MTUS2: variants seen among roughly 807,000 people sequenced by gnomAD.
MTUS2 encodes the protein microtubule associated scaffold protein 2, also known as microtubule-associated tumor suppressor candidate 2.
In MTUS2, 40 loss-of-function variants were observed where a neutral mutation model predicts 114.1. The observed-to-expected ratio is 0.35, with a 90% CI of 0.27 to 0.46. MTUS2 has a LOEUF of 0.46. MTUS2 is among the 20% of genes least tolerant of loss of function. The pLI, the probability that MTUS2 is intolerant of heterozygous loss-of-function variation, is 1.00. For missense variants in MTUS2, 1,679 were observed against 1,705.4 expected (o/e 0.98, Z 0.27); for synonymous variants, 688 against 672.0 (o/e 1.02, Z -0.37).
chr13:29,295,298 A>G (rs1004731883), intron 6 of MTUS2, among the ~76,000 whole-genome samples: 1 of 152,176 alleles, frequency 6.6e-6, no homozygotes, highest in Non-Finnish European at 1.5e-5. Context: ...TCTTCTAGCT[A>G]TTTGAGAATA....
intron 2 of MTUS2, among the ~76,000 whole-genome samples, chr13:28,948,524 G>A (rs1265367770): frequency 2.6e-5 from 4 of 152,118 alleles, no homozygotes; most frequent in Non-Finnish European, 5.9e-5. Context: ...AGTTCTGTGC[G>A]TGAGGTTCCT....
intron 2 of MTUS2, among the ~76,000 whole-genome samples, chr13:28,870,148 A>G (rs1877535874): frequency 6.6e-6 from 1 of 152,180 alleles, no homozygotes; most frequent in African/African-American, 2.4e-5. Flanking sequence ...CCTCCTAGGT[A>G]TTTGAAACTA....
At chr13:29,206,495 A>G (rs890595924) in intron 5 of MTUS2, among the ~76,000 whole-genome samples, 8 of 152,158 alleles carry the variant, frequency 5.3e-5, no homozygotes, top group African/African-American at 1.9e-4. Flanking sequence ...GCCAATGTCT[A>G]GAAGGGTTTT....
At chr13:29,118,397 C>A (rs1382893525) in intron 5 of MTUS2, among the ~76,000 whole-genome samples, 1 of 152,128 alleles carries the variant, frequency 6.6e-6, no homozygotes, top group Non-Finnish European at 1.5e-5. Context: ...TCCCGTGATG[C>A]ACAGCAGGGT....
intron 10 of MTUS2, among the ~76,000 whole-genome samples, chr13:29,483,139 C>G (rs758907543): frequency 6.6e-6 from 1 of 152,224 alleles, no homozygotes; most frequent in African/African-American, 2.4e-5. Flanking sequence ...CCACAGATAA[C>G]GACATCTCTG....
intron 2 of MTUS2, among the ~76,000 whole-genome samples, chr13:28,982,795 A>G (rs1033531148): frequency 2.0e-5 from 3 of 152,224 alleles, no homozygotes; most frequent in Non-Finnish European, 4.4e-5. Flanking sequence ...GACAAATACT[A>G]TGTGATTCCA....
At chr13:29,336,017 G>A (rs370719853) in intron 7 of MTUS2, among the ~76,000 whole-genome samples, 7 of 152,130 alleles carry the variant, frequency 4.6e-5, no homozygotes, top group African/African-American at 1.4e-4. Context: ...TTCTTGTGCT[G>A]TATTTTTCAG....
At chr13:29,210,857 G>A (rs1480303436) in intron 5 of MTUS2, among the ~76,000 whole-genome samples, 1 of 151,886 alleles carries the variant, frequency 6.6e-6, no homozygotes, top group African/African-American at 2.4e-5. Flanking sequence ...CTCTGAGAGA[G>A]TCCTTGTTTG....
chr13:29,158,563 T>G lies in MTUS2; in HGVS notation c.2644+57593T>G, dbSNP rs1331803272. ...TGTTTTTCATAGAGCAAGGAAGACA[T>G]GGAAGAAAAAATACCTTCTTGGCTT... On this transcript the variant is annotated intron_variant, in intron 5 of 15. Transcript: ENST00000612955. Among the ~76,000 whole-genome samples, 5 of 151,564 alleles carry G rather than the reference T, an allele frequency of 3.3e-5. No homozygotes were observed. The East Asian group carries it at 9.7e-4, about 29-fold the overall frequency.
At chr13:29,466,327 T>G (rs1411020849) in intron 9 of MTUS2, among the ~76,000 whole-genome samples, 1 of 152,176 alleles carries the variant, frequency 6.6e-6, no homozygotes, top group Non-Finnish European at 1.5e-5. Context: ...CAACACACTC[T>G]TGGGCTATTG....
chr13:28,898,824 T>G (rs1181045006), intron 2 of MTUS2, among the ~76,000 whole-genome samples: 2 of 152,270 alleles, frequency 1.3e-5, no homozygotes. Flanking sequence ...ATTTAAATGC[T>G]GATTTCACAT....
chr13:29,181,648 CGGTTACCAG>C lies in MTUS2; in HGVS notation c.2644+80683_2644+80691del, dbSNP rs574241513. Among the ~76,000 whole-genome samples, 40 of 152,116 alleles carry C rather than the reference CGGTTACCAG, an allele frequency of 2.6e-4. 2 individuals carry two copies. The highest frequency in any genetic ancestry group is 1.3e-3 in the Admixed American group (20 of 15,280). ...TAATGGATCAAAACAAACTTTTACT[CGGTTACCAG>C]GGTTGTTTACTCTAATAATAAATTC... is the stretch of plus-strand genomic sequence containing the variant. On this transcript the variant is annotated intron_variant, in intron 5 of 15. Transcript: ENST00000612955.
chr13:29,457,740 G>T (rs79098593), intron 9 of MTUS2, among the ~76,000 whole-genome samples: 7,051 of 152,106 alleles, frequency 0.046, 209 homozygotes, highest in South Asian at 0.067. Context: ...CAAAATGGTT[G>T]TACCATTTTG....
chr13:28,983,900 G>A (rs944564153), intron 2 of MTUS2, among the ~76,000 whole-genome samples: 1 of 152,254 alleles, frequency 6.6e-6, no homozygotes, highest in African/African-American at 2.4e-5. Context: ...AGGACTGACT[G>A]CAGGTGCAGA....
At chr13:29,441,597 C>T (rs980793551) in intron 9 of MTUS2, among the ~76,000 whole-genome samples, 1 of 152,022 alleles carries the variant, frequency 6.6e-6, no homozygotes, top group Non-Finnish European at 1.5e-5. Context: ...CCTCAAAGAC[C>T]CGTGTTGAGA....
intron 4 of MTUS2, among the ~76,000 whole-genome samples, chr13:29,072,546 A>C (rs1334424399): frequency 6.6e-6 from 1 of 152,224 alleles, no homozygotes; most frequent in South Asian, 2.1e-4. Flanking sequence ...ATGTCATCAT[A>C]CTACAGTTTT....
chr13:29,326,592 A>G (rs9506141), intron 7 of MTUS2, among the ~76,000 whole-genome samples: 122,242 of 151,986 alleles, frequency 0.8, 50,193 homozygotes, highest in East Asian at 0.91. Flanking sequence ...GAGGGAGATG[A>G]GAGAAATTGA....
intron 2 of MTUS2, among the ~76,000 whole-genome samples, chr13:28,875,147 G>T (rs1877856269): frequency 6.6e-6 from 1 of 151,656 alleles, no homozygotes; most frequent in African/African-American, 2.4e-5. Flanking sequence ...ATTGGTTCTT[G>T]ATTAGAGAAC....
intron 5 of MTUS2, among the ~76,000 whole-genome samples, chr13:29,188,883 T>A (rs2139186642): frequency 6.6e-6 from 1 of 152,306 alleles, no homozygotes; most frequent in Non-Finnish European, 1.5e-5. Flanking sequence ...CAGCCTTGTG[T>A]GTGTTGCTGC....
Sources: gnomAD v4.1 joint callset for allele counts (sites outside exome capture counted in the v4.1 genomes callset) on GRCh38, gnomAD v4.1.1 for gene constraint, MANE v1.5 for transcripts, NCBI Gene and HGNC (gene_info 2026-07-23, HGNC 2026-07-21) for gene names.